ARHGAP35: variants seen among roughly 807,000 people sequenced by gnomAD.
ARHGAP35 encodes Rho GTPase activating protein 35, also known as rho GTPase-activating protein 35.
Under a neutral mutation model 111.1 loss-of-function variants are expected in ARHGAP35, and 15 were observed. The observed-to-expected ratio is 0.13, with a 90% CI of 0.09 to 0.21. The LOEUF (loss-of-function observed/expected upper bound fraction) is 0.21. Among genes scored for constraint, ARHGAP35 ranks in the 10% least tolerant of loss-of-function variants. The pLI is 1.00. For missense variants in ARHGAP35, 1,262 were observed against 1,873.0 expected, an observed-to-expected ratio of 0.67 and a Z score of 6.02; for synonymous variants, 643 against 710.3, an observed-to-expected ratio of 0.91 and a Z score of 1.51.
At chr19:46,978,719 ATGTGTGTGTGGTGGAGTCTGTGTGGTG>A (rs1599861149) in intron 3 of ARHGAP35, among the ~76,000 whole-genome samples, 48 of 11,132 alleles carry the variant, frequency 4.3e-3, no homozygotes, top group Admixed American at 7.9e-3. Flanking sequence ...GTGTGGTGGG[ATGTGTGTGTGGTGGAGTCTGTGTGGTG>A]TGTGTGTGTG....
chr19:46,969,507 G>T (rs535238173), intron 3 of ARHGAP35, among the ~76,000 whole-genome samples: 1 of 152,124 alleles, frequency 6.6e-6, no homozygotes, highest in Non-Finnish European at 1.5e-5. Flanking sequence ...CGGACTGCTT[G>T]AGGCACTGCT....
In ARHGAP35 at chr19:47,002,631, G is replaced by A. The variant is rs905129505; in HGVS notation, c.*1943G>A. The A allele has an allele frequency of 2.0e-5, 3 of 152,166 alleles. No individual in the cohort carries two copies. The highest frequency in any genetic ancestry group is 2.9e-5 in the Non-Finnish European group (2 of 68,056). 9.4% of individuals were successfully genotyped at this position (152,166 alleles called of 1,614,324 possible). On this transcript the variant is annotated 3_prime_UTR_variant, in exon 7 of 7. Coordinates refer to ENST00000672722, the MANE Select transcript of ARHGAP35 (RefSeq NM_004491.5). The stretch of plus-strand genomic sequence containing the variant: ...CCAGCCCTGGACCCCAGCAGATGAG[G>A]AAACGGCCCCATTTACTGACCCCGC...
At position 46,908,775 on chromosome 19, in the gene ARHGAP35, G is replaced by A. The variant is rs1043437905; in HGVS notation, c.-188-9713G>A. 6.6e-6 allele frequency among the ~76,000 whole-genome samples: 1 copy of A among 152,130 alleles called. No homozygotes were observed. The highest frequency in any genetic ancestry group is 1.5e-5 in the Non-Finnish European group (1 of 68,026). ...CAGCCTGTAGAGTTCTGCAAGCCTGGAAGCATGAGAACTGTGGCGGGGGAA... is the reference window on the plus strand; with the variant it reads ...CAGCCTGTAGAGTTCTGCAAGCCTGAAAGCATGAGAACTGTGGCGGGGGAA... On this transcript the variant is annotated intron_variant, in intron 1 of 6. Transcript: ENST00000672722. This position sits in a 1 kb window ranked among gnomAD's most constrained non-coding sequence, Gnocchi z 4.2.
At chr19:46,875,762 T>C (rs2055915454) in intron 1 of ARHGAP35, among the ~76,000 whole-genome samples, 1 of 152,108 alleles carries the variant, frequency 6.6e-6, no homozygotes, top group African/African-American at 2.4e-5. Flanking sequence ...TAAGCGAGCA[T>C]GTGAGGGTGC....
At chr19:46,923,195 C>G (rs565836897) in intron 2 of ARHGAP35, among the ~76,000 whole-genome samples, 2 of 151,430 alleles carry the variant, frequency 1.3e-5, no homozygotes, top group Non-Finnish European at 1.5e-5. Flanking sequence ...AGCTCCGCCT[C>G]CTGGGTTCAC....
At position 46,988,927 on chromosome 19, in the gene ARHGAP35, C is replaced by T. The variant is rs973971544; in HGVS notation, c.3905-617C>T. 6.5e-6 allele frequency: 1 copy of T among 154,202 alleles called. No individual in the cohort carries two copies. Among genetic ancestry groups the T allele is most frequent in the African/African-American group, 2.4e-5 (1 of 41,472 alleles). The allele number at this position is 154,202 out of a possible 1,614,324, so 9.6% of individuals were successfully genotyped here. ...GATGCATTTGTATATATGGGAGATC[C>T]TGTACCAGCTTACCTCCCCCATAGT... On this transcript the variant is annotated intron_variant, in intron 4 of 6. Transcript: ENST00000672722. This position sits in a 1 kb window ranked among gnomAD's most constrained non-coding sequence, Gnocchi z 5.4.
intron 2 of ARHGAP35, among the ~76,000 whole-genome samples, chr19:46,936,011 G>T (rs2056305305): frequency 6.6e-6 from 1 of 152,114 alleles, no homozygotes. Context: ...TTTTTCCTTG[G>T]TAAGATTGAG....
intron 3 of ARHGAP35, among the ~76,000 whole-genome samples, chr19:46,942,967 A>G (rs868589938): frequency 2.6e-5 from 4 of 152,270 alleles, no homozygotes; most frequent in Admixed American, 1.3e-4. Flanking sequence ...CAATAGTCAC[A>G]CTGCACTTGG....
Position 46,919,682 on chromosome 19 carries a change from G to A in ARHGAP35, c.1007G>A (p.Arg336Lys), listed in dbSNP as rs1212060454. ...HRLKHEHIER[R>K]RKLYLAALPL... ...CTCAAGCATGAGCATATCGAGCGTA[G>A]GAGAAAGCTGTACCTGGCAGCCCTG... The change falls in exon 2 of 7, where the codon AGG becomes AAG. Residue 336 changes from arginine to lysine, a missense_variant. By Grantham distance (26) the Arg-to-Lys change is conservative. This residue lies in a region of ARHGAP35 where 328 missense variants were observed against 440.8 expected (regional missense o/e 0.74). Coordinates refer to ENST00000672722, the MANE Select transcript of ARHGAP35 (RefSeq NM_004491.5). The surrounding 1 kb of genome is among the most constrained non-coding windows in gnomAD (Gnocchi z 6.2). 3 of 1,613,862 alleles carry A rather than the reference G, an allele frequency of 1.9e-6. No individual in the cohort carries two copies. The African/African-American group carries it at 4.0e-5, about 22-fold the overall frequency.
intron 1 of ARHGAP35, among the ~76,000 whole-genome samples, chr19:46,879,645 A>G (rs2055948445): frequency 2.5e-5 from 2 of 81,360 alleles, no homozygotes; most frequent in Non-Finnish European, 5.5e-5. Context: ...TTAGCCACGC[A>G]TGGTGGTGAG....
At chr19:46,861,277 G>A (rs890139710) in intron 1 of ARHGAP35, among the ~76,000 whole-genome samples, 68 bp downstream of exon 1, 1 of 151,018 alleles carries the variant, frequency 6.6e-6, no homozygotes, top group African/African-American at 2.4e-5. Context: ...GGTCCAGGGG[G>A]AGGCGGGGAC....
intron 2 of ARHGAP35, among the ~76,000 whole-genome samples, chr19:46,923,173 C>T (rs1413916861): frequency 1.4e-5 from 2 of 148,100 alleles, no homozygotes; most frequent in Non-Finnish European, 3.0e-5. Flanking sequence ...GGCGCGATCT[C>T]CGCTCACTGC....
chr19:46,893,176 C>G (rs1291942880), intron 1 of ARHGAP35, among the ~76,000 whole-genome samples: 1 of 152,066 alleles, frequency 6.6e-6, no homozygotes, highest in Non-Finnish European at 1.5e-5. Context: ...TTGGGAAACC[C>G]TTAGAGTTTC....
intron 3 of ARHGAP35, among the ~76,000 whole-genome samples, chr19:46,940,198 A>G (rs879692699): frequency 5.3e-5 from 8 of 152,072 alleles, no homozygotes; most frequent in Non-Finnish European, 7.4e-5. Context: ...AGTCTCTACT[A>G]AAAATATAAA....
At chr19:46,907,477 T>TG (rs1240820814) in intron 1 of ARHGAP35, among the ~76,000 whole-genome samples, 9 of 121,418 alleles carry the variant, frequency 7.4e-5, no homozygotes, top group South Asian at 4.9e-4. Flanking sequence ...TTAGCTTCTT[T>TG]TTTTGTTTGT....
rs1190737856 is a variant in ARHGAP35 at position 46,919,619 on chromosome 19, A to T, written c.944A>T (p.Gln315Leu). 1 of 1,613,978 alleles carries T rather than the reference A, an allele frequency of 6.2e-7. No homozygotes were observed. The highest frequency in any genetic ancestry group is 1.1e-5 in the South Asian group (1 of 91,072). ...GACTATGTCTACCTGGAAGGGACTC[A>T]GAAAGCCAAGAAGCTGTTTCTACAG... is the stretch of plus-strand genomic sequence containing the variant. ...YQDYVYLEGT[Q>L]KAKKLFLQHI... Residue 315 changes from glutamine to leucine, a missense_variant, in exon 2 of 7, where the codon CAG becomes CTG. Physicochemically the swap from Gln to Leu is moderately radical, Grantham distance 113 (BLOSUM62 -2). Coordinates refer to ENST00000672722, the MANE Select transcript of ARHGAP35 (RefSeq NM_004491.5). This position sits in a 1 kb window ranked among gnomAD's most constrained non-coding sequence, Gnocchi z 6.2.
chr19:46,969,134 A>T (rs2056530907), intron 3 of ARHGAP35, among the ~76,000 whole-genome samples: 1 of 152,098 alleles, frequency 6.6e-6, no homozygotes. Context: ...GGCTGCGAGA[A>T]GGGAGAAATT....
At position 47,001,362 on chromosome 19, in the gene ARHGAP35, C is replaced by T. The variant is rs1032058775; in HGVS notation, c.*674C>T. 7.8e-7 allele frequency: 1 copy of T among 1,289,966 alleles called. No individual in the cohort carries two copies. The highest frequency in any genetic ancestry group is 1.5e-5 in the African/African-American group (1 of 65,838). The allele number at this position is 1,289,966 out of a possible 1,614,324, so 79.9% of individuals were successfully genotyped here. On this transcript the variant is annotated 3_prime_UTR_variant, in exon 7 of 7. Transcript: ENST00000672722. This position sits in a 1 kb window ranked among gnomAD's most constrained non-coding sequence, Gnocchi z 5.4. Reference sequence around the variant, plus strand: ...CCTTCCCGAAACATTCCCTGGCAAACAAAGGAACACTAGGAGAAAAAATGG... The same window carrying T: ...CCTTCCCGAAACATTCCCTGGCAAATAAAGGAACACTAGGAGAAAAAATGG...
At chr19:46,875,032 G>A (rs1045415905) in intron 1 of ARHGAP35, among the ~76,000 whole-genome samples, 3 of 151,762 alleles carry the variant, frequency 2.0e-5, no homozygotes, top group East Asian at 1.9e-4. Context: ...GGCTGGTCTC[G>A]AACTCCTGAC....
Sources: gnomAD v4.1 joint callset for allele counts (sites outside exome capture counted in the v4.1 genomes callset) on GRCh38, gnomAD v4.1.1 for gene constraint, gnomAD v4.1.1 regional missense constraint, Gnocchi (gnomAD v3.1) non-coding constraint, MANE v1.5 for transcripts, NCBI Gene and HGNC (gene_info 2026-07-23, HGNC 2026-07-21) for gene names.